Variants in DOCK1 observed in about 807,000 individuals in gnomAD.
The protein encoded by DOCK1 is dedicator of cytokinesis protein 1.
A neutral mutation model predicts 262.7 loss-of-function variants in DOCK1; 138 were observed. That is an observed-to-expected ratio of 0.53 (90% CI 0.46 to 0.61). DOCK1 has a LOEUF of 0.61. Among genes scored for constraint, DOCK1 ranks in the 20% least tolerant of loss-of-function variants. DOCK1 has a pLI of 0.00. For synonymous variants in DOCK1, 866 were observed against 867.4 expected, an observed-to-expected ratio of 1.00 and a Z score of 0.03; for missense variants, 1,908 against 2,370.7, an observed-to-expected ratio of 0.80 and a Z score of 4.05.
At chr10:127,118,664 C>T (rs897409457) in intron 25 of DOCK1, among the ~76,000 whole-genome samples, 3 of 152,194 alleles carry the variant, frequency 2.0e-5, no homozygotes, top group Non-Finnish European at 4.4e-5. Flanking sequence ...TTTCAAATTC[C>T]ATGATACTGA....
chr10:127,043,282 GT>G, intron 21 of DOCK1, 118 bp downstream of exon 21: 1 of 772,580 alleles, frequency 1.3e-6, no homozygotes, highest in Non-Finnish European at 2.1e-6. Flanking sequence ...AAAACTCTGA[GT>G]TTACTGGAAT....
At chr10:126,948,771 A>T (rs2035870721) in intron 1 of DOCK1, among the ~76,000 whole-genome samples, 1 of 151,950 alleles carries the variant, frequency 6.6e-6, no homozygotes, top group South Asian at 2.1e-4. Context: ...CCCTGGAATC[A>T]TTGTGAGCTG....
chr10:126,992,765 G>C (rs61875515), intron 6 of DOCK1, among the ~76,000 whole-genome samples: 109 of 105,490 alleles, frequency 1.0e-3, no homozygotes, highest in African/African-American at 3.1e-3. Context: ...CACACACACA[G>C]ACAGACACAG....
At chr10:127,315,844 G>C (rs937231011) in intron 29 of DOCK1, among the ~76,000 whole-genome samples, 1 of 152,096 alleles carries the variant, frequency 6.6e-6, no homozygotes, top group African/African-American at 2.4e-5. Flanking sequence ...GATTACAGGT[G>C]CCTGCCCCCA....
intron 29 of DOCK1, among the ~76,000 whole-genome samples, chr10:127,325,750 C>T (rs1032603556): frequency 2.0e-5 from 3 of 152,158 alleles, no homozygotes; most frequent in African/African-American, 7.2e-5. Flanking sequence ...ATTTTAACTA[C>T]AAAATGGGAA....
intron 29 of DOCK1, among the ~76,000 whole-genome samples, chr10:127,300,146 C>T (rs993555404): frequency 6.6e-6 from 1 of 152,176 alleles, no homozygotes; most frequent in African/African-American, 2.4e-5. Context: ...CTGGGAAGTT[C>T]CGCAGGCCAG....
rs74161517 is a variant in DOCK1, at chr10:126,927,228, T to G, written c.46+21665T>G. ...GTGACCATGATAGCAGATTTCCGTC[T>G]CTGATCTGCTTTTTCTTTCAGTTTG... On this transcript the variant is annotated intron_variant, in intron 1 of 51. Transcript: ENST00000623213. Among the ~76,000 whole-genome samples the G allele has an allele frequency of 7.2e-3, 1,096 of 152,262 alleles. 17 individuals carry two copies. Among genetic ancestry groups the G allele is most frequent in the African/African-American group, 0.025 (1,046 of 41,538 alleles).
intron 22 of DOCK1, among the ~76,000 whole-genome samples, chr10:127,060,475 A>G (rs2045459374): frequency 6.6e-6 from 1 of 152,232 alleles, no homozygotes; most frequent in Non-Finnish European, 1.5e-5. Context: ...CTCTAGGGTA[A>G]TTAATTATCA....
At chr10:127,041,635 A>C (rs1459750827) in intron 19 of DOCK1, among the ~76,000 whole-genome samples, 1 of 152,162 alleles carries the variant, frequency 6.6e-6, no homozygotes, top group Non-Finnish European at 1.5e-5. Context: ...GGAATTGTCA[A>C]ACAGTTTTTC....
chr10:127,257,710 G>A, intron 29 of DOCK1: 1 of 296,730 alleles, frequency 3.4e-6, no homozygotes, highest in Non-Finnish European at 6.4e-6. Context: ...TGGGCACAGG[G>A]GTTCTGCTCG....
At chr10:127,063,746 C>T (rs766260196) in intron 23 of DOCK1, among the ~76,000 whole-genome samples, 5 of 152,198 alleles carry the variant, frequency 3.3e-5, no homozygotes, top group Admixed American at 6.5e-5. Flanking sequence ...TATATCCTTA[C>T]ATTATTAAAT....
intron 4 of DOCK1, 119 bp downstream of exon 4, chr10:126,982,092 G>T: frequency 9.3e-7 from 1 of 1,076,702 alleles, no homozygotes. Context: ...TGACTCCTGG[G>T]GGACAGGAGT....
At chr10:127,017,010 A>AC (rs1591665709) in intron 12 of DOCK1, among the ~76,000 whole-genome samples, 8 of 66,562 alleles carry the variant, frequency 1.2e-4, no homozygotes, top group Admixed American at 3.2e-4. Flanking sequence ...CACCACAAAT[A>AC]AACACAGATA....
At chr10:127,331,584 G>T (rs2062985511) in intron 29 of DOCK1, among the ~76,000 whole-genome samples, 1 of 152,128 alleles carries the variant, frequency 6.6e-6, no homozygotes, top group Non-Finnish European at 1.5e-5. Context: ...GCCCGGCCCG[G>T]ATTCAGTTTT....
intron 8 of DOCK1, 73 bp downstream of exon 8, chr10:126,998,322 G>A: frequency 1.9e-6 from 3 of 1,589,876 alleles, no homozygotes; most frequent in East Asian, 2.2e-5. Context: ...AACCACTGAA[G>A]CGTCCCATTC....
intron 48 of DOCK1, among the ~76,000 whole-genome samples, chr10:127,438,691 T>C (rs1412279225): frequency 1.3e-5 from 2 of 152,190 alleles, no homozygotes; most frequent in African/African-American, 4.8e-5. Context: ...TCTATATAAA[T>C]CTCTAAAAGA....
intron 33 of DOCK1, among the ~76,000 whole-genome samples, chr10:127,371,321 A>G (rs977364433): frequency 2.0e-5 from 3 of 152,228 alleles, no homozygotes; most frequent in African/African-American, 7.2e-5. Flanking sequence ...GACTAGGGTT[A>G]GTAAAATTAG....
At chr10:127,406,667 A>G (rs761999309) in intron 40 of DOCK1, among the ~76,000 whole-genome samples, 1 of 152,138 alleles carries the variant, frequency 6.6e-6, no homozygotes, top group Non-Finnish European at 1.5e-5. Flanking sequence ...TTTTGTGCTC[A>G]TGTTGATATT....
At chr10:127,274,832 A>C (rs954804377) in intron 29 of DOCK1, among the ~76,000 whole-genome samples, 3 of 152,200 alleles carry the variant, frequency 2.0e-5, no homozygotes, top group African/African-American at 7.2e-5. Flanking sequence ...TTAATTAAGA[A>C]GAGAAATTTA....
Sources: gnomAD v4.1 joint callset for allele counts (sites outside exome capture counted in the v4.1 genomes callset) on GRCh38, gnomAD v4.1.1 for gene constraint, MANE v1.5 for transcripts, NCBI Gene and HGNC (gene_info 2026-07-23, HGNC 2026-07-21) for gene names.